The following MAGED1 variants were observed in gnomAD, a reference collection of about 807,000 sequenced individuals.
The protein encoded by MAGED1 is melanoma-associated antigen D1.
A neutral mutation model predicts 54.1 loss-of-function variants in MAGED1; 3 were observed. The observed-to-expected ratio is 0.06, with a 90% confidence interval of 0.03 to 0.14. MAGED1 has a LOEUF of 0.14. Among genes scored for constraint, MAGED1 ranks in the 10% least tolerant of loss-of-function variants. The pLI is 1.00. For missense variants in MAGED1, 485 were observed against 623.4 expected (o/e 0.78, Z 2.36); for synonymous variants, 217 against 227.3 (o/e 0.95, Z 0.41).
chrX:51,833,598 T>G (rs1336481952), intron 1 of MAGED1, among the ~76,000 whole-genome samples: 1 of 112,039 alleles, frequency 8.9e-6, no homozygotes, highest in African/African-American at 3.2e-5. Flanking sequence ...GTGTTACTCA[T>G]ATTAGTAAAG....
intron 1 of MAGED1, among the ~76,000 whole-genome samples, chrX:51,837,218 G>A (rs1926286041): frequency 8.9e-6 from 1 of 112,018 alleles, no homozygotes; most frequent in African/African-American, 3.2e-5. Context: ...TGGGTAAATG[G>A]TCCCTGTTAT....
rs1435675655 is a variant in MAGED1, at chrX:51,896,774, CTGGCAGAATCCACCTGGA to C, written c.1127_1144del (p.Asn376_Gln381del). The C allele has an allele frequency of 9.1e-6, 11 of 1,209,560 alleles. No individual in the cohort carries two copies. The highest frequency in any genetic ancestry group is 1.2e-5 in the Non-Finnish European group (11 of 894,744). The stretch of plus-strand genomic sequence containing the variant: ...CTGTTGTCTGGCCGAATCCACTGGC[CTGGCAGAATCCACCTGGA>C]TGGCAGACTCCACCTGGATGGCAGA... On this transcript the variant is annotated inframe_deletion, in exon 4 of 13. Coordinates refer to ENST00000326587, the MANE Select transcript of MAGED1 (RefSeq NM_006986.4).
rs1294992799 is a variant in MAGED1, at chrX:51,896,093, A to G, written c.754-316A>G. On this transcript the variant is annotated intron_variant, in intron 3 of 12. Transcript: ENST00000326587. ...CTACCAGGTAGGGATCATAGTGCCA[A>G]TTTTACAAAGAAGGAAATTAAGTGC... 1.1e-5 allele frequency: 4 copies of G among 378,745 alleles called. No homozygotes were observed. The East Asian group carries it at 1.7e-4, about 16-fold the overall frequency. 31.2% of individuals were successfully genotyped at this position (378,745 alleles called of 1,213,427 possible). A position where few individuals can be genotyped will look rare whatever the true frequency, so the allele number is the denominator to read the frequency against.
At chrX:51,854,356 G>A (rs782150218) in intron 1 of MAGED1, among the ~76,000 whole-genome samples, 3 of 111,955 alleles carry the variant, frequency 2.7e-5, no homozygotes, top group East Asian at 5.6e-4. Flanking sequence ...AAAGAGCTAA[G>A]GACAAAGTGA....
chrX:51,879,324 G>A (rs1927978047), intron 1 of MAGED1, among the ~76,000 whole-genome samples: 1 of 111,238 alleles, frequency 9.0e-6, no homozygotes, highest in Admixed American at 9.5e-5. Flanking sequence ...AATATTTCTT[G>A]CAGGGCAGGT....
rs1198562723 is a variant in MAGED1 at position 51,810,263 on chromosome X, C to T, written c.-37+7146C>T. The stretch of plus-strand genomic sequence containing the variant: ...TCCCTGCCCCACCCCTGGAATTAGC[C>T]ATTTTACAAGGAACTATGTAATTTT... On this transcript the variant is annotated intron_variant, in intron 1 of 12. Coordinates refer to the MAGED1 transcript ENST00000375772. Among the ~76,000 whole-genome samples the T allele has an allele frequency of 2.4e-4, 27 of 111,122 alleles. 1 individual carries two copies. The Admixed American group carries it at 2.6e-3, about 11-fold the overall frequency.
chrX:51,841,755 G>A (rs1926498612), intron 1 of MAGED1, among the ~76,000 whole-genome samples: 1 of 111,373 alleles, frequency 9.0e-6, no homozygotes, highest in Admixed American at 9.5e-5. Flanking sequence ...TAGATATGTG[G>A]CATTATTTCT....
intron 1 of MAGED1, among the ~76,000 whole-genome samples, chrX:51,832,258 A>G (rs1226132759): frequency 1.8e-5 from 2 of 111,158 alleles, no homozygotes; most frequent in African/African-American, 6.6e-5. Context: ...TCGAACTCCT[A>G]CGCTCAAGGG....
intron 1 of MAGED1, among the ~76,000 whole-genome samples, chrX:51,816,261 C>T (rs910828380): frequency 9.1e-6 from 1 of 110,241 alleles, no homozygotes; most frequent in Admixed American, 9.6e-5. Context: ...ATTACAGATG[C>T]CTGCTACCAT....
At chrX:51,886,655 A>G (rs949175759) in intron 1 of MAGED1, among the ~76,000 whole-genome samples, 3 of 110,415 alleles carry the variant, frequency 2.7e-5, no homozygotes, top group African/African-American at 3.3e-5. Context: ...AAAAGAAAAA[A>G]TCTCCTAGAA....
chrX:51,888,490 G>A (rs1162554840), intron 1 of MAGED1, among the ~76,000 whole-genome samples: 1 of 112,186 alleles, frequency 8.9e-6, no homozygotes, highest in Non-Finnish European at 1.9e-5. Flanking sequence ...AGGATTTGGA[G>A]AAACTGTATC....
intron 1 of MAGED1, among the ~76,000 whole-genome samples, chrX:51,826,158 G>T (rs1925844456): frequency 8.9e-6 from 1 of 112,226 alleles, no homozygotes; most frequent in Non-Finnish European, 1.9e-5. Flanking sequence ...TGTTGCCGTT[G>T]ATCAATCCCC....
intron 1 of MAGED1, among the ~76,000 whole-genome samples, chrX:51,819,056 C>T (rs1925531849): frequency 8.9e-6 from 1 of 111,991 alleles, no homozygotes; most frequent in African/African-American, 3.2e-5. Flanking sequence ...CTTCATTAAA[C>T]AAATGTATAT....
At chrX:51,819,302 C>T (rs1031495557) in intron 1 of MAGED1, among the ~76,000 whole-genome samples, 3 of 110,055 alleles carry the variant, frequency 2.7e-5, no homozygotes, top group Non-Finnish European at 5.7e-5. Context: ...TACACTGGGC[C>T]CTAACCACAA....
At chrX:51,845,508 C>G (rs190862407) in intron 1 of MAGED1, among the ~76,000 whole-genome samples, 98 of 111,420 alleles carry the variant, frequency 8.8e-4, no homozygotes, top group African/African-American at 3.0e-3. Flanking sequence ...AACTATCAAA[C>G]TATGCCTGTT....
intron 1 of MAGED1, among the ~76,000 whole-genome samples, chrX:51,883,211 CT>C (rs1275020090): frequency 9.0e-6 from 1 of 111,077 alleles, no homozygotes; most frequent in Non-Finnish European, 1.9e-5. Context: ...ATTTCCACCC[CT>C]AATGAGTGAT....
chrX:51,874,364 ATG>A (rs1927794495), intron 1 of MAGED1, among the ~76,000 whole-genome samples: 1 of 111,401 alleles, frequency 9.0e-6, no homozygotes, highest in Admixed American at 9.5e-5. Flanking sequence ...GGAAGTAATG[ATG>A]GAGATGAAAC....
At chrX:51,837,642 A>G (rs1926301031) in intron 1 of MAGED1, among the ~76,000 whole-genome samples, 1 of 112,535 alleles carries the variant, frequency 8.9e-6, no homozygotes, top group Non-Finnish European at 1.9e-5. Context: ...CATTTATTAT[A>G]TGCCATCTTT....
At chrX:51,809,935 A>G (rs1925161091) in intron 1 of MAGED1, among the ~76,000 whole-genome samples, 1 of 112,249 alleles carries the variant, frequency 8.9e-6, no homozygotes. Context: ...AGTATATTTC[A>G]TAATAATCAA....
Sources: allele counts gnomAD v4.1 joint callset (sites outside exome capture counted in the v4.1 genomes callset), GRCh38; gene constraint gnomAD v4.1.1; transcripts MANE v1.5; gene names NCBI Gene and HGNC (gene_info 2026-07-23, HGNC 2026-07-21).